The following TRAPPC9 variants were observed in gnomAD, a reference collection of about 807,000 sequenced individuals.
TRAPPC9 encodes trafficking protein particle complex subunit 9.
Under a neutral mutation model 124.0 loss-of-function variants are expected in TRAPPC9, and 83 were observed. The observed-to-expected ratio is 0.67, with a 90% CI of 0.56 to 0.80. The LOEUF is 0.80. TRAPPC9 is among the 30% of genes least tolerant of loss of function. The probability of loss-of-function intolerance (pLI) is 0.00; values close to 1 mark genes in which losing one functional copy is unlikely to be tolerated. For missense variants in TRAPPC9, 1,302 were observed against 1,508.3 expected (o/e 0.86, Z 2.27); for synonymous variants, 638 against 617.5 (o/e 1.03, Z -0.49).
At chr8:140,088,436 C>T (rs1844342983) in intron 17 of TRAPPC9, among the ~76,000 whole-genome samples, 1 of 152,196 alleles carries the variant, frequency 6.6e-6, no homozygotes, top group African/African-American at 2.4e-5. Flanking sequence ...AGTTGTAGCA[C>T]AGAAGTGGCA....
intron 21 of TRAPPC9, among the ~76,000 whole-genome samples, chr8:139,767,453 G>A (rs1286129748): frequency 1.3e-5 from 2 of 152,180 alleles, no homozygotes; most frequent in African/African-American, 2.4e-5. Flanking sequence ...CCGTCCTCAC[G>A]AGGGCTCCGT....
intron 7 of TRAPPC9, among the ~76,000 whole-genome samples, chr8:140,384,494 A>C (rs1262989917): frequency 3.3e-5 from 5 of 152,242 alleles, no homozygotes; most frequent in Non-Finnish European, 7.3e-5. Flanking sequence ...AAACAAAAAA[A>C]GGCAGGGGTT....
At chr8:139,940,980 A>G (rs1833878776) in intron 19 of TRAPPC9, among the ~76,000 whole-genome samples, 1 of 152,190 alleles carries the variant, frequency 6.6e-6, no homozygotes, top group South Asian at 2.1e-4. Flanking sequence ...GCAGCCTATG[A>G]AGGGGGGTTG....
chr8:140,391,001 G>A (rs1347612103), intron 7 of TRAPPC9, among the ~76,000 whole-genome samples: 1 of 152,124 alleles, frequency 6.6e-6, no homozygotes, highest in Non-Finnish European at 1.5e-5. Context: ...CTGATTTTCA[G>A]CTTAAATTGA....
intron 9 of TRAPPC9, among the ~76,000 whole-genome samples, chr8:140,350,516 C>T (rs569244419): frequency 1.3e-5 from 2 of 152,276 alleles, no homozygotes; most frequent in East Asian, 3.9e-4. Flanking sequence ...TTCTTCACAC[C>T]TACTGTGTTC....
In TRAPPC9 at chr8:139,868,942, G is replaced by A. The variant is rs144700279; in HGVS notation, c.3055+16937C>T. On this transcript the variant is annotated intron_variant, in intron 21 of 22. Transcript: ENST00000438773. The stretch of plus-strand genomic sequence containing the variant: ...AACTCAGACCTTGGAAGGAAGGAGT[G>A]GTAGGTCAGACAGAAGATGTAGAAG... Among the ~76,000 whole-genome samples, 608 of 152,172 alleles carry A rather than the reference G, an allele frequency of 4.0e-3. 5 individuals are homozygous for A. Among genetic ancestry groups the A allele is most frequent in the South Asian group, 4.8e-3 (23 of 4,804 alleles).
chr8:140,207,686 G>A (rs760409789), intron 17 of TRAPPC9, among the ~76,000 whole-genome samples: 10 of 152,204 alleles, frequency 6.6e-5, no homozygotes, highest in South Asian at 2.1e-4. Flanking sequence ...CGGTGACAGC[G>A]TCTTGCAAAG....
At chr8:139,850,346 C>G (rs1451628124) in intron 21 of TRAPPC9, among the ~76,000 whole-genome samples, 2 of 152,206 alleles carry the variant, frequency 1.3e-5, no homozygotes, top group Admixed American at 6.5e-5. Flanking sequence ...CACTAGAACC[C>G]AGGGCTCCTG....
intron 18 of TRAPPC9, among the ~76,000 whole-genome samples, chr8:140,007,420 T>C (rs1587477890): frequency 6.6e-6 from 1 of 152,230 alleles, no homozygotes; most frequent in Non-Finnish European, 1.5e-5. Context: ...CTTTTTGTTT[T>C]CTGGGAATTA....
chr8:139,989,352 C>T (rs929814805), intron 18 of TRAPPC9, among the ~76,000 whole-genome samples: 3 of 152,220 alleles, frequency 2.0e-5, no homozygotes, highest in Non-Finnish European at 2.9e-5. Flanking sequence ...CCCATGCGGG[C>T]ACCTCTCGAA....
At chr8:140,250,417 A>T (rs1170756851) in intron 16 of TRAPPC9, among the ~76,000 whole-genome samples, 1 of 152,118 alleles carries the variant, frequency 6.6e-6, no homozygotes, top group Non-Finnish European at 1.5e-5. Context: ...TCCATGCCTG[A>T]GAATCAAATT....
At chr8:139,936,537 C>G (rs985139297) in intron 19 of TRAPPC9, among the ~76,000 whole-genome samples, 1 of 152,234 alleles carries the variant, frequency 6.6e-6, no homozygotes, top group Non-Finnish European at 1.5e-5. Flanking sequence ...AAAGGTAGAG[C>G]AGAGCCACTA....
intron 7 of TRAPPC9, among the ~76,000 whole-genome samples, chr8:140,395,580 T>A (rs2069066802): frequency 6.6e-6 from 1 of 152,212 alleles, no homozygotes; most frequent in Non-Finnish European, 1.5e-5. Context: ...TGGTGGTGAC[T>A]GTTATTTTGT....
intron 5 of TRAPPC9, among the ~76,000 whole-genome samples, chr8:140,422,155 C>A (rs550554876): frequency 2.0e-5 from 3 of 151,992 alleles, no homozygotes; most frequent in Admixed American, 6.6e-5. Flanking sequence ...TGACCCTCAG[C>A]GAGTCAGAAA....
At chr8:140,150,793 C>T (rs1325671115) in intron 17 of TRAPPC9, among the ~76,000 whole-genome samples, 1 of 150,336 alleles carries the variant, frequency 6.7e-6, no homozygotes, top group Non-Finnish European at 1.5e-5. Flanking sequence ...AGGAGGAAGA[C>T]CCTCAACGCA....
intron 17 of TRAPPC9, among the ~76,000 whole-genome samples, chr8:140,151,931 C>T (rs1364195203): frequency 6.6e-6 from 1 of 152,152 alleles, no homozygotes; most frequent in Non-Finnish European, 1.5e-5. Context: ...CGACACACCC[C>T]ACACTGCTCT....
intron 6 of TRAPPC9, among the ~76,000 whole-genome samples, chr8:140,401,673 G>A (rs917100053): frequency 1.3e-5 from 2 of 152,096 alleles, no homozygotes; most frequent in African/African-American, 4.8e-5. Flanking sequence ...GCCCAGGCTG[G>A]AGTGCAGTTG....
intron 16 of TRAPPC9, among the ~76,000 whole-genome samples, chr8:140,245,534 T>C (rs920269162): frequency 3.2e-4 from 49 of 152,166 alleles, no homozygotes; most frequent in Non-Finnish European, 6.5e-4. Context: ...CTTTAACCAT[T>C]TTTAAATGTA....
intron 21 of TRAPPC9, among the ~76,000 whole-genome samples, chr8:139,837,254 G>A (rs890262226): frequency 6.6e-6 from 1 of 152,096 alleles, no homozygotes. Context: ...GCTGGGGGAC[G>A]TGCTTCACTC....
Sources: allele counts gnomAD v4.1 joint callset (sites outside exome capture counted in the v4.1 genomes callset), GRCh38; gene constraint gnomAD v4.1.1; transcripts MANE v1.5; gene names NCBI Gene and HGNC (gene_info 2026-07-23, HGNC 2026-07-21).